The following GPRASP2 variants were observed in gnomAD, a reference collection of about 807,000 sequenced individuals.
GPRASP2 encodes the protein G protein-coupled receptor associated sorting protein 2.
GPRASP2 carries 10 observed loss-of-function variants against 36.0 expected under a neutral mutation model. The ratio of observed to expected loss-of-function variants is 0.28; its 90% confidence interval spans 0.17 to 0.47. The LOEUF is 0.47. Among genes scored for constraint, GPRASP2 ranks in the 20% least tolerant of loss-of-function variants. The pLI is 0.99. For synonymous variants in GPRASP2, 219 were observed against 230.5 expected, an observed-to-expected ratio of 0.95 and a Z score of 0.45; for missense variants, 538 against 626.7, an observed-to-expected ratio of 0.86 and a Z score of 1.51.
At chrX:102,713,487 C>T (rs1233579115) in intron 2 of GPRASP2, among the ~76,000 whole-genome samples, 1 of 113,169 alleles carries the variant, frequency 8.8e-6, no homozygotes, top group Admixed American at 9.2e-5. Context: ...GGCGCCCTTC[C>T]CCCATTTTAT....
rs148692824 is a variant in GPRASP2, at chrX:102,717,029, G to A, written c.2160G>A (p.Met720Ile). Residue 720 changes from methionine (M) to isoleucine (I), a missense_variant, in exon 5 of 5, where the codon ATG (methionine) becomes ATA (isoleucine). Around this residue, in one of 2 missense-constraint regions of GPRASP2, gnomAD observed 262 missense variants for 351.7 expected, o/e 0.74. Transcript: ENST00000483720. ...ATCACACACTGATTGCCAACTATAT[G>A]TCCGGGTTTCTCTCCTTATTAACCA... ...IDYHTLIANY[M>I]SGFLSLLTTA... 43 of 1,198,460 alleles carry A rather than the reference G, an allele frequency of 3.6e-5. No individual in the cohort carries two copies. The Middle Eastern group carries it at 6.9e-4, about 19-fold the overall frequency.
rs766839261 is a variant in GPRASP2, at chrX:102,715,679, C to T, written c.810C>T (p.Pro270=). The T allele has an allele frequency of 8.3e-7, 1 of 1,210,073 alleles. No homozygotes were observed. Among genetic ancestry groups the T allele is most frequent in the Non-Finnish European group, 1.1e-6 (1 of 895,302 alleles). The change falls in exon 5 of 5, where the codon CCC becomes CCT. Residue 270 remains proline, a synonymous_variant. Coordinates refer to ENST00000483720, the MANE Select transcript of GPRASP2 (RefSeq NM_001004051.4). The stretch of plus-strand genomic sequence containing the variant: ...ATCAGACTAATCCCAGGTCCAGGCC[C>T]AGATCCAAGCAAGAAGCCTATGTTG... ...AKHQTNPRSR[P]RSKQEAYVDS...
At chrX:102,712,937 A>G (rs2081896103) in intron 1 of GPRASP2, among the ~76,000 whole-genome samples, 193 bp from the exon 2 acceptor site, 1 of 112,261 alleles carries the variant, frequency 8.9e-6, no homozygotes, top group Admixed American at 9.3e-5. Context: ...GCGCCCGGGA[A>G]GGCCGTTGGG....
intron 2 of GPRASP2, among the ~76,000 whole-genome samples, chrX:102,713,510 A>C (rs1009858663): frequency 1.8e-5 from 2 of 113,325 alleles, no homozygotes; most frequent in African/African-American, 6.4e-5. Context: ...TGCGCAGAGC[A>C]AGGGGATGTG....
At position 102,714,459 on chromosome X, in the gene GPRASP2, C is replaced by T. The variant is rs1488623569; in HGVS notation, c.-333-78C>T. 5 of 128,441 alleles carry T rather than the reference C, an allele frequency of 3.9e-5. 1 individual carries two copies. In the Middle Eastern group the frequency reaches 0.015, roughly 397 times the overall value. 10.6% of individuals were successfully genotyped at this position (128,441 alleles called of 1,213,427 possible). ...CTCAAAGCCCAGCTGTCCCACCTAG[C>T]ATTCAACATCAGTCGCACTGCATAC... On this transcript the variant is annotated intron_variant, in intron 4 of 4. Coordinates refer to ENST00000483720, the MANE Select transcript of GPRASP2 (RefSeq NM_001004051.4).
Position 102,716,974 on chromosome X carries a change from T to C in GPRASP2, c.2105T>C (p.Met702Thr). ...DSLEQLTGIR[M>T]LRHLTMTIDY... ...CTTGAGCAGCTGACTGGAATAAGGATGCTTAGACACCTCACTATGACTATT... is the reference window on the plus strand; with the variant it reads ...CTTGAGCAGCTGACTGGAATAAGGACGCTTAGACACCTCACTATGACTATT... Residue 702 changes from methionine to threonine, a missense_variant, in exon 5 of 5, where the codon ATG becomes ACG. Physicochemically the swap from Met to Thr is moderately conservative, Grantham distance 81. Transcript: ENST00000483720. 1 of 1,200,781 alleles carries C rather than the reference T, an allele frequency of 8.3e-7. No individual in the cohort carries two copies.
chrX:102,713,009 G>C (rs926242680), intron 1 of GPRASP2, 121 bp from the exon 2 acceptor site: 3 of 112,375 alleles, frequency 2.7e-5, no homozygotes, highest in African/African-American at 9.7e-5. Flanking sequence ...CGCCGGAGGT[G>C]AGCCGCGTTT....
Position 102,714,990 on chromosome X carries a change from A to G in GPRASP2, c.121A>G (p.Arg41Gly), listed in dbSNP as rs766675728. Residue 41 changes from arginine (R) to glycine (G), a missense_variant, in exon 5 of 5, where the codon AGG (arginine) becomes GGG (glycine). Arg to Gly is a moderately radical substitution (Grantham distance 125, BLOSUM62 -2). Transcript: ENST00000483720. ...DVPLVVRPKV[R>G]TQATTGARPK... Reference sequence around the variant, plus strand: ...CCCTCTGGTGGTCAGACCCAAGGTTAGGACCCAGGCAACTACTGGGGCAAG... The same window carrying G: ...CCCTCTGGTGGTCAGACCCAAGGTTGGGACCCAGGCAACTACTGGGGCAAG... 3.1e-5 allele frequency: 38 copies of G among 1,211,548 alleles called. No homozygotes were observed. The highest frequency in any genetic ancestry group is 4.2e-5 in the Non-Finnish European group (38 of 895,569).
Position 102,716,053 on chromosome X carries a change from A to G in GPRASP2, c.1184A>G (p.Lys395Arg), listed in dbSNP as rs763255070. The change falls in exon 5 of 5, where the codon AAA becomes AGA. Residue 395 changes from lysine to arginine, a missense_variant. Coordinates refer to ENST00000483720, the MANE Select transcript of GPRASP2 (RefSeq NM_001004051.4). The stretch of plus-strand genomic sequence containing the variant: ...ATTGGGTCCTGGTTCTGGGCAGAAA[A>G]AGAGGCCAGTTTGGAGGGTGGAGCT... ...VIIGSWFWAE[K>R]EASLEGGASA... is the part of the protein sequence containing the mutation. The G allele has an allele frequency of 1.3e-5, 16 of 1,193,703 alleles. No homozygotes were observed. The highest frequency in any genetic ancestry group is 1.2e-4 in the Admixed American group (5 of 43,331).
Position 102,716,912 on chromosome X carries a change from A to G in GPRASP2, c.2043A>G (p.Gln681=), listed in dbSNP as rs778010561. ...NLNMIETFIC[Q]VCEETLAHSV... The stretch of plus-strand genomic sequence containing the variant: ...ACATGATTGAGACATTCATATGTCA[A>G]GTGTGTGAGGAAACCCTTGCACATA... The change falls in exon 5 of 5, where the codon CAA becomes CAG. Residue 681 remains glutamine (Q), a synonymous_variant. Transcript: ENST00000483720. 90 of 1,207,684 alleles carry G rather than the reference A, an allele frequency of 7.5e-5. No individual in the cohort carries two copies. Among genetic ancestry groups the G allele is most frequent in the Non-Finnish European group, 9.5e-5 (85 of 894,172 alleles).
At position 102,714,910 on chromosome X, in the gene GPRASP2, C is replaced by G. The variant is rs757005951; in HGVS notation, c.41C>G (p.Pro14Arg). The G allele has an allele frequency of 3.3e-6, 4 of 1,210,978 alleles. No homozygotes were observed. In the African/African-American group the frequency reaches 6.9e-5, roughly 21 times the overall value. ...AEIEPSAQAK[P>R]EKKAGEEVIA... ...ATTGAGCCTAGTGCCCAGGCCAAGCCTGAAAAGAAGGCTGGGGAAGAGGTT... is the reference window on the plus strand; with the variant it reads ...ATTGAGCCTAGTGCCCAGGCCAAGCGTGAAAAGAAGGCTGGGGAAGAGGTT... Residue 14 changes from proline (P) to arginine (R), a missense_variant, in exon 5 of 5, where the codon CCT becomes CGT. Physicochemically the swap from Pro to Arg is moderately radical, Grantham distance 103 (BLOSUM62 -2). Around this residue, in one of 2 missense-constraint regions of GPRASP2, gnomAD observed 276 missense variants for 275.0 expected, o/e 1.00. Transcript: ENST00000483720.
In GPRASP2 at chrX:102,715,300, G is replaced by C; in HGVS notation, c.431G>C (p.Gly144Ala). The change falls in exon 5 of 5, where the codon GGA becomes GCA. Residue 144 changes from glycine (G) to alanine (A), a missense_variant. By Grantham distance (60) the Gly-to-Ala change is moderately conservative. This residue lies in a region of GPRASP2 where 276 missense variants were observed against 275.0 expected (regional missense o/e 1.00). Transcript: ENST00000483720. ...ACTGAAGCAGTGTCACAGGCAGAAG[G>C]AGTGTCCCAGACTAATGCCGTTGCT... ...FGTEAVSQAE[G>A]VSQTNAVAWP... The C allele has an allele frequency of 8.2e-7, 1 of 1,212,554 alleles. No individual in the cohort carries two copies. Among genetic ancestry groups the C allele is most frequent in the East Asian group, 3.0e-5 (1 of 33,857 alleles).
At position 102,716,021 on chromosome X, in the gene GPRASP2, A is replaced by G; in HGVS notation, c.1152A>G (p.Glu384=). The change falls in exon 5 of 5, where the codon GAA becomes GAG. Residue 384 remains glutamate, a synonymous_variant. Coordinates refer to ENST00000483720, the MANE Select transcript of GPRASP2 (RefSeq NM_001004051.4). ...RVKQEPRFEE[E]VIIGSWFWAE... ...AACAAGAACCCAGGTTTGAGGAGGAAGTCATTATTGGGTCCTGGTTCTGGG... is the reference window on the plus strand; with the variant it reads ...AACAAGAACCCAGGTTTGAGGAGGAGGTCATTATTGGGTCCTGGTTCTGGG... 8.3e-7 allele frequency: 1 copy of G among 1,205,451 alleles called. No homozygotes were observed. Among genetic ancestry groups the G allele is most frequent in the African/African-American group, 1.7e-5 (1 of 57,409 alleles).
intron 4 of GPRASP2, 44 bp from the exon 5 acceptor site, chrX:102,714,493 C>A (rs2081929506): frequency 1.1e-5 from 2 of 178,456 alleles, no homozygotes; most frequent in South Asian, 3.2e-4. Flanking sequence ...ACGTCTCATA[C>A]AATTGGAAGA....
chrX:102,712,733 C>T (rs1469766253), intron 1 of GPRASP2, among the ~76,000 whole-genome samples, 181 bp downstream of exon 1: 1 of 112,694 alleles, frequency 8.9e-6, no homozygotes, highest in Non-Finnish European at 1.9e-5. Flanking sequence ...AGGCGGTGAC[C>T]GGAGCGGGCC....
At position 102,716,989 on chromosome X, in the gene GPRASP2, C is replaced by G. The variant is rs144093407; in HGVS notation, c.2120C>G (p.Thr707Ser). ...GGAATAAGGATGCTTAGACACCTCA[C>G]TATGACTATTGACTATCACACACTG... ...LTGIRMLRHL[T>S]MTIDYHTLIA... is the part of the protein sequence containing the mutation. Residue 707 changes from threonine to serine, a missense_variant, in exon 5 of 5, where the codon ACT becomes AGT. Thr to Ser is a moderately conservative substitution (Grantham distance 58, BLOSUM62 1). This residue lies in a region of GPRASP2 where 262 missense variants were observed against 351.7 expected (regional missense o/e 0.74). Transcript: ENST00000483720. The G allele has an allele frequency of 6.0e-4, 716 of 1,199,442 alleles. 2 individuals carry two copies. The highest frequency in any genetic ancestry group is 7.1e-4 in the Non-Finnish European group (635 of 888,214).
Position 102,714,966 on chromosome X carries a change from C to T in GPRASP2, c.97C>T (p.Pro33Ser). The T allele has an allele frequency of 8.2e-7, 1 of 1,212,412 alleles. No homozygotes were observed. The highest frequency in any genetic ancestry group is 1.1e-6 in the Non-Finnish European group (1 of 895,674). Residue 33 changes from proline (P) to serine (S), a missense_variant, in exon 5 of 5, where the codon CCT (proline) becomes TCT (serine). Transcript: ENST00000483720. ...IAGPERENDV[P>S]LVVRPKVRTQ... Reference sequence around the variant, plus strand: ...TGGGCCTGAGAGAGAGAATGATGTCCCTCTGGTGGTCAGACCCAAGGTTAG... The same window carrying T: ...TGGGCCTGAGAGAGAGAATGATGTCTCTCTGGTGGTCAGACCCAAGGTTAG...
Position 102,716,413 on chromosome X carries a change from G to A in GPRASP2, c.1544G>A (p.Gly515Glu). The A allele has an allele frequency of 8.3e-7, 1 of 1,211,952 alleles. No individual in the cohort carries two copies. Among genetic ancestry groups the A allele is most frequent in the Non-Finnish European group, 1.1e-6 (1 of 895,575 alleles). Reference sequence around the variant, plus strand: ...GGCTTCCGATCCACAAGCCCCTTTGGAATTCCCGAAGAGGCTTCTGAAATG... The same window carrying A: ...GGCTTCCGATCCACAAGCCCCTTTGAAATTCCCGAAGAGGCTTCTGAAATG... ...GVGFRSTSPF[G>E]IPEEASEMLE... Residue 515 changes from glycine (G) to glutamate (E), a missense_variant, in exon 5 of 5, where the codon GGA becomes GAA. Physicochemically the swap from Gly to Glu is moderately conservative, Grantham distance 98. Transcript: ENST00000483720.
At position 102,716,452 on chromosome X, in the gene GPRASP2, C is replaced by T; in HGVS notation, c.1583C>T (p.Pro528Leu). 1 of 1,212,059 alleles carries T rather than the reference C, an allele frequency of 8.3e-7. No homozygotes were observed. The highest frequency in any genetic ancestry group is 1.1e-6 in the Non-Finnish European group (1 of 895,614). Residue 528 changes from proline (P) to leucine (L), a missense_variant, in exon 5 of 5, where the codon CCC becomes CTC. This residue lies in a region of GPRASP2 where 262 missense variants were observed against 351.7 expected (regional missense o/e 0.74). Transcript: ENST00000483720. ...GCTTCTGAAATGCTTGAGGCAAAGC[C>T]CAAGAACCTGGAACTTAGCCCAGAA... ...EEASEMLEAK[P>L]KNLELSPEGE...
Sources: allele counts gnomAD v4.1 joint callset (sites outside exome capture counted in the v4.1 genomes callset), GRCh38; gene constraint gnomAD v4.1.1; regional missense constraint gnomAD v4.1.1; transcripts MANE v1.5; gene names NCBI Gene and HGNC (gene_info 2026-07-23, HGNC 2026-07-21).